PAXBP1: variants seen among roughly 807,000 people sequenced by gnomAD.
PAXBP1 encodes the protein PAX3 and PAX7 binding protein 1, also known as PAX3- and PAX7-binding protein 1.
Under a neutral mutation model 119.9 loss-of-function variants are expected in PAXBP1, and 44 were observed. That is an observed-to-expected ratio of 0.37 (90% CI 0.29 to 0.47). The LOEUF is 0.47. Among genes scored for constraint, PAXBP1 ranks in the 20% least tolerant of loss-of-function variants. The probability of loss-of-function intolerance (pLI) is 0.99; values close to 1 mark genes in which losing one functional copy is unlikely to be tolerated. For synonymous variants in PAXBP1, 393 were observed against 406.6 expected (o/e 0.97, Z 0.40); for missense variants, 898 against 1,134.1 (o/e 0.79, Z 2.99).
rs753878332 is a variant in PAXBP1 at position 32,748,720 on chromosome 21, A to G, written c.1724-22T>C. 35 of 1,598,004 alleles carry G rather than the reference A, an allele frequency of 2.2e-5. 3 individuals carry two copies. In the South Asian group the frequency reaches 3.9e-4, roughly 18 times the overall value. On this transcript the variant is annotated intron_variant, in intron 10 of 17. Coordinates refer to ENST00000331923, the MANE Select transcript of PAXBP1 (RefSeq NM_016631.4). ...CGATCTAAAAACAACAAAACCCCAC[A>G]GAGAACCATACATTAGTATGAAGTA...
chr21:32,756,343 T>C (rs756551151), intron 7 of PAXBP1: 1 of 531,050 alleles, frequency 1.9e-6, no homozygotes, highest in East Asian at 5.5e-5. Context: ...CACCAAGTGT[T>C]ATAGCAGCTT....
intron 8 of PAXBP1, among the ~76,000 whole-genome samples, chr21:32,753,738 G>A (rs1001877817): frequency 6.6e-6 from 1 of 152,100 alleles, no homozygotes; most frequent in Non-Finnish European, 1.5e-5. Flanking sequence ...CACTTTCCCA[G>A]TATCTTTTAA....
At chr21:32,767,766 G>C (rs1275404358) in intron 2 of PAXBP1, among the ~76,000 whole-genome samples, 1 of 152,202 alleles carries the variant, frequency 6.6e-6, no homozygotes, top group Non-Finnish European at 1.5e-5. Context: ...ACGTGGAACT[G>C]TAAGTCCAAT....
chr21:32,756,563 T>C, intron 7 of PAXBP1: 1 of 319,184 alleles, frequency 3.1e-6, no homozygotes. Flanking sequence ...TTATCCTTGA[T>C]AGCTGAGTCC....
intron 11 of PAXBP1, among the ~76,000 whole-genome samples, chr21:32,746,204 T>C (rs1242616901): frequency 6.6e-6 from 1 of 152,178 alleles, no homozygotes; most frequent in Non-Finnish European, 1.5e-5. Flanking sequence ...GACATCGGCA[T>C]GGGCAAAGAT....
At chr21:32,755,662 G>C (rs1467496985) in intron 7 of PAXBP1, 2 of 199,778 alleles carry the variant, frequency 1.0e-5, no homozygotes, top group Non-Finnish European at 2.0e-5. Context: ...TTTTCCCTTA[G>C]AGAATATTTA....
Position 32,734,770 on chromosome 21 carries a change from A to C in PAXBP1, c.*180T>G. 1.6e-6 allele frequency: 1 copy of C among 622,226 alleles called. No homozygotes were observed. Among genetic ancestry groups the C allele is most frequent in the East Asian group, 2.8e-5 (1 of 35,578 alleles). 38.5% of individuals were successfully genotyped at this position (622,226 alleles called of 1,614,324 possible). On this transcript the variant is annotated 3_prime_UTR_variant, in exon 18 of 18. Transcript: ENST00000331923. The stretch of plus-strand genomic sequence containing the variant: ...GTAAAGAAAACATTCATAGACTCCT[A>C]GAAATAATCTGAATTCCTTTCATTC...
In PAXBP1 at chr21:32,738,104, TCAAA is replaced by T. The variant is rs1356301841; in HGVS notation, c.2481+65_2481+68del. 2.6e-5 allele frequency: 37 copies of T among 1,425,604 alleles called. No individual in the cohort carries two copies. The East Asian group carries it at 7.5e-4, about 29-fold the overall frequency. 88.3% of individuals were successfully genotyped at this position (1,425,604 alleles called of 1,614,324 possible). A position where few individuals can be genotyped will look rare whatever the true frequency, so the allele number is the denominator to read the frequency against. ...TTTCATAAAATTCTCAAATCCCTCT[TCAAA>T]CAAACAAAAACTTAATTCATTTTAA... On this transcript the variant is annotated intron_variant, in intron 16 of 17. Transcript: ENST00000331923.
chr21:32,753,569 A>G (rs984831071), intron 8 of PAXBP1, among the ~76,000 whole-genome samples: 28 of 152,242 alleles, frequency 1.8e-4, no homozygotes, highest in Non-Finnish European at 1.5e-5. Context: ...ATACACAGTA[A>G]TTGCAGATAA....
Position 32,771,612 on chromosome 21 carries a change from T to G in PAXBP1, c.57A>C (p.Glu19Asp). 6.8e-7 allele frequency: 1 copy of G among 1,467,830 alleles called. No homozygotes were observed. Among genetic ancestry groups the G allele is most frequent in the Non-Finnish European group, 9.0e-7 (1 of 1,115,212 alleles). 90.9% of individuals were successfully genotyped at this position (1,467,830 alleles called of 1,614,324 possible). A position where few individuals can be genotyped will look rare whatever the true frequency, so the allele number is the denominator to read the frequency against. Residue 19 changes from glutamate (E) to aspartate (D), a missense_variant, in exon 1 of 18, where the codon GAA becomes GAC. By Grantham distance (45) the Glu-to-Asp change is conservative. Coordinates refer to ENST00000331923, the MANE Select transcript of PAXBP1 (RefSeq NM_016631.4). ...NVRKRNDSEE[E>D]ERERDEEQEP... ...CCTGCTCCTCATCGCGTTCCCGCTCTTCCTCTTCGGAGTCGTTCCGCTTGC... is the reference window on the plus strand; with the variant it reads ...CCTGCTCCTCATCGCGTTCCCGCTCGTCCTCTTCGGAGTCGTTCCGCTTGC...
intron 7 of PAXBP1, among the ~76,000 whole-genome samples, 154 bp downstream of exon 7, chr21:32,758,900 TATTGCCCTTAAGAGATAATGCCACTA>T (rs543696401): frequency 4.9e-4 from 75 of 152,290 alleles, no homozygotes; most frequent in African/African-American, 1.7e-3. Context: ...AAAGGTATTA[TATTGCCCTTAAGAGATAATGCCACTA>T]ATGAAGTGAA....
rs774428511 is a variant in PAXBP1 at position 32,751,208 on chromosome 21, C to T, written c.1518G>A (p.Leu506=). ...SEFSSHSNKA[L]MAPNLDSFGR... is the part of the protein sequence containing the mutation. ...CAAAGGAGTCAAGATTTGGTGCCAT[C>T]AGAGCTTTGTCTGCAAAACAACAAC... Residue 506 remains leucine (L), a synonymous_variant, in exon 9 of 18, where the codon CTG becomes CTA. Coordinates refer to ENST00000331923, the MANE Select transcript of PAXBP1 (RefSeq NM_016631.4). 10 of 1,614,024 alleles carry T rather than the reference C, an allele frequency of 6.2e-6. No homozygotes were observed. Among genetic ancestry groups the T allele is most frequent in the Non-Finnish European group, 8.5e-6 (10 of 1,179,930 alleles).
At chr21:32,738,100 C>G in intron 16 of PAXBP1, 73 bp downstream of exon 16, 1 of 1,402,064 alleles carries the variant, frequency 7.1e-7, no homozygotes. Flanking sequence ...TCTCAAATCC[C>G]TCTTCAAACA....
In PAXBP1 at chr21:32,734,786, C is replaced by T; in HGVS notation, c.*164G>A. ...TAGACTCCTAGAAATAATCTGAATTCCTTTCATTCTGAAGAAATATCATTT... is the reference window on the plus strand; with the variant it reads ...TAGACTCCTAGAAATAATCTGAATTTCTTTCATTCTGAAGAAATATCATTT... On this transcript the variant is annotated 3_prime_UTR_variant, in exon 18 of 18. Coordinates refer to ENST00000331923, the MANE Select transcript of PAXBP1 (RefSeq NM_016631.4). The T allele has an allele frequency of 1.6e-6, 1 of 641,600 alleles. No homozygotes were observed. The highest frequency in any genetic ancestry group is 2.8e-6 in the Non-Finnish European group (1 of 362,600). The allele number at this position is 641,600 out of a possible 1,614,324, so 39.7% of individuals were successfully genotyped here. A position where few individuals can be genotyped will look rare whatever the true frequency, so the allele number is the denominator to read the frequency against.
intron 15 of PAXBP1, among the ~76,000 whole-genome samples, chr21:32,739,948 A>G (rs1414860119): frequency 2.7e-5 from 4 of 147,810 alleles, no homozygotes; most frequent in African/African-American, 5.0e-5. Flanking sequence ...TAAAAAAAAA[A>G]AAAAAAAAAA....
rs753347935 is a variant in PAXBP1, at chr21:32,764,499, T to C, written c.498A>G (p.Gly166=). 1.9e-6 allele frequency: 3 copies of C among 1,609,386 alleles called. No individual in the cohort carries two copies. The highest frequency in any genetic ancestry group is 2.5e-6 in the Non-Finnish European group (3 of 1,178,012). ...CTTCTTGATTTGTATCCTTAACATG[T>C]CCTGTTTTGTCCAAAGGTTGTTCAC... ...AESEQPLDKT[G]HVKDTNQEDG... Residue 166 remains glycine, a synonymous_variant, in exon 3 of 18, where the codon GGA becomes GGG. Transcript: ENST00000331923.
In PAXBP1 at chr21:32,762,246, A is replaced by G; in HGVS notation, c.721T>C (p.Phe241Leu). The change falls in exon 4 of 18, where the codon TTC (phenylalanine) becomes CTC (leucine). Residue 241 changes from phenylalanine (F) to leucine (L), a missense_variant. Transcript: ENST00000331923. ...CCAGGCTCATTATCATGAGGAGTGA[A>G]ATCTCCCAATTCTCGGGCCATTTGG... is the stretch of plus-strand genomic sequence containing the variant. ...KRQMARELGD[F>L]TPHDNEPGKG... 6.2e-7 allele frequency: 1 copy of G among 1,614,150 alleles called. No homozygotes were observed. The highest frequency in any genetic ancestry group is 8.5e-7 in the Non-Finnish European group (1 of 1,180,032).
At chr21:32,753,375 G>A (rs930649498) in intron 8 of PAXBP1, among the ~76,000 whole-genome samples, 1 of 140,268 alleles carries the variant, frequency 7.1e-6, no homozygotes, top group Non-Finnish European at 1.5e-5. Context: ...GCGGTGAGCC[G>A]AGATTGCGCC....
chr21:32,748,180 AG>A (rs2043903342), intron 11 of PAXBP1, among the ~76,000 whole-genome samples: 1 of 152,144 alleles, frequency 6.6e-6, no homozygotes, highest in African/African-American at 2.4e-5. Context: ...GAGTTCCTCT[AG>A]GATCAAAGGA....
Sources: allele counts gnomAD v4.1 joint callset (sites outside exome capture counted in the v4.1 genomes callset), GRCh38; gene constraint gnomAD v4.1.1; transcripts MANE v1.5; gene names NCBI Gene and HGNC (gene_info 2026-07-23, HGNC 2026-07-21).